Variants in LENG8 observed in about 807,000 individuals in gnomAD.
The protein encoded by LENG8 is leukocyte receptor cluster (LRC) member 8.
In LENG8, 28 loss-of-function variants were observed where a neutral mutation model predicts 102.1. That is an observed-to-expected ratio of 0.27 (90% CI 0.20 to 0.38). LENG8 has a LOEUF of 0.38. Among genes scored for constraint, LENG8 ranks in the 10% least tolerant of loss-of-function variants. The probability of loss-of-function intolerance (pLI) is 1.00; values close to 1 mark genes in which losing one functional copy is unlikely to be tolerated. For missense variants in LENG8, 1,022 were observed against 1,113.9 expected (o/e 0.92, Z 1.17); for synonymous variants, 531 against 456.7 (o/e 1.16, Z -2.07).
intron 11 of LENG8, 32 bp from the exon 12 acceptor site, chr19:54,457,715 A>T: frequency 1.3e-6 from 2 of 1,491,068 alleles, no homozygotes; most frequent in Non-Finnish European, 1.9e-6. Flanking sequence ...CCTGAGTTGT[A>T]CTCCGAGTGT....
intron 5 of LENG8, 46 bp from the exon 6 acceptor site, chr19:54,454,384 G>A (rs1169590216): frequency 6.5e-7 from 1 of 1,542,348 alleles, no homozygotes; most frequent in East Asian, 2.3e-5. Flanking sequence ...CCACTCGCCA[G>A]CCCCAGAATC....
rs1361616881 is a variant in LENG8 at position 54,452,634 on chromosome 19, T to C, written c.214-17T>C. The C allele has an allele frequency of 5.3e-6, 7 of 1,319,388 alleles. No homozygotes were observed. Among genetic ancestry groups the C allele is most frequent in the Non-Finnish European group, 6.2e-6 (6 of 963,302 alleles). The allele number at this position is 1,319,388 out of a possible 1,614,324, so 81.7% of individuals were successfully genotyped here. ...GGATTTGGGCTGCTGACGGCACATG[T>C]GCCTCTGCTTCCACAGTACGTGTCC... On this transcript the variant is annotated splice_polypyrimidine_tract_variant and intron_variant, in intron 3 of 15. Transcript: ENST00000326764.
chr19:54,451,271 C>T lies in LENG8; in HGVS notation c.-55-19C>T, dbSNP rs918323390. ...TTAGCTCCCCCTTAAGTCTCCCTAACTCATTCTTTTTCTCATAGACAGTGA... is the reference window on the plus strand; with the variant it reads ...TTAGCTCCCCCTTAAGTCTCCCTAATTCATTCTTTTTCTCATAGACAGTGA... On this transcript the variant is annotated intron_variant, in intron 1 of 15. Transcript: ENST00000326764. The T allele has an allele frequency of 8.7e-6, 13 of 1,494,856 alleles. No homozygotes were observed. In the South Asian group the frequency reaches 9.0e-5, roughly 10 times the overall value. 92.6% of individuals were successfully genotyped at this position (1,494,856 alleles called of 1,614,324 possible). A position where few individuals can be genotyped will look rare whatever the true frequency, so the allele number is the denominator to read the frequency against.
In LENG8 at chr19:54,458,171, C is replaced by A. The variant is rs770918730; in HGVS notation, c.1971C>A (p.Gly657=). Residue 657 remains glycine (G), a synonymous_variant, in exon 14 of 16, where the codon GGC becomes GGA. Coordinates refer to ENST00000326764, the MANE Select transcript of LENG8 (RefSeq NM_052925.4). ...LKSLYAENLP[G]NVGEFTAYRI... is the part of the protein sequence containing the mutation. ...CGCTGTACGCCGAGAACTTGCCTGG[C>A]AATGTGGGCGAGTTTACTGCCTACC... 6.8e-6 allele frequency: 11 copies of A among 1,614,218 alleles called. No individual in the cohort carries two copies. The highest frequency in any genetic ancestry group is 8.5e-6 in the Non-Finnish European group (10 of 1,180,048).
intron 15 of LENG8, 47 bp from the exon 16 acceptor site, chr19:54,460,719 G>GGGCCCA: frequency 1.2e-4 from 96 of 778,816 alleles, no homozygotes; most frequent in Middle Eastern, 4.7e-4. Context: ...GCCCTCCCCT[G>GGGCCCA]CCCTCCCGCC....
intron 4 of LENG8, 57 bp downstream of exon 4, chr19:54,452,809 C>T (rs1599959084): frequency 6.9e-6 from 9 of 1,295,066 alleles, no homozygotes; most frequent in African/African-American, 5.8e-5. Context: ...TGGGTCGGGG[C>T]GAGGTGAAGT....
Position 54,454,090 on chromosome 19 carries a change from T to C in LENG8, c.427-340T>C, listed in dbSNP as rs142297531. On this transcript the variant is annotated intron_variant, in intron 5 of 15. Coordinates refer to ENST00000326764, the MANE Select transcript of LENG8 (RefSeq NM_052925.4). ...CATCCTTGGGCTCCATGAGTGTGTG[T>C]GCTCATGGGTGTCTTGTGCTCAGAT... Among the ~76,000 whole-genome samples the C allele has an allele frequency of 2.0e-3, 310 of 152,116 alleles. 3 individuals are homozygous for C. The highest frequency in any genetic ancestry group is 7.1e-3 in the African/African-American group (295 of 41,470).
intron 4 of LENG8, 86 bp from the exon 5 acceptor site, chr19:54,453,460 G>A (rs1011511483): frequency 1.2e-6 from 1 of 815,120 alleles, no homozygotes; most frequent in Non-Finnish European, 2.1e-6. Context: ...TTGGTAGAGG[G>A]TCATGGCTGG....
chr19:54,454,552 T>G lies in LENG8; in HGVS notation c.549T>G (p.Pro183=). 9.9e-6 allele frequency: 16 copies of G among 1,613,072 alleles called. No individual in the cohort carries two copies. Among genetic ancestry groups the G allele is most frequent in the Non-Finnish European group, 1.4e-5 (16 of 1,179,774 alleles). ...PHGAHTLNSG[P]QPGTAPATQH... ...GGGCTCACACGCTGAACAGTGGCCC[T>G]CAGCCTGGGACAGCTCCAGCCACAC... is the stretch of plus-strand genomic sequence containing the variant. Residue 183 remains proline, a synonymous_variant, in exon 6 of 16, where the codon CCT becomes CCG. Coordinates refer to ENST00000326764, the MANE Select transcript of LENG8 (RefSeq NM_052925.4).
rs75907476 is a variant in LENG8 at position 54,457,860 on chromosome 19, G to T, written c.1833+12G>T. 12 of 1,613,528 alleles carry T rather than the reference G, an allele frequency of 7.4e-6. 1 individual carries two copies. The highest frequency in any genetic ancestry group is 1.0e-5 in the Non-Finnish European group (12 of 1,179,434). ...GGCAGGATCTGACGGTGAGACTCGCGCTGGGAGGGGCCTGGCCTCAGCCAG... is the reference window on the plus strand; with the variant it reads ...GGCAGGATCTGACGGTGAGACTCGCTCTGGGAGGGGCCTGGCCTCAGCCAG... On this transcript the variant is annotated intron_variant, in intron 12 of 15. Transcript: ENST00000326764.
intron 15 of LENG8, chr19:54,458,864 G>A: frequency 6.5e-7 from 1 of 1,550,240 alleles, no homozygotes; most frequent in South Asian, 1.2e-5. Context: ...TCAGAACCCT[G>A]AGGTCTCTGC....
In LENG8 at chr19:54,461,160, G is replaced by A. The variant is rs1157107480; in HGVS notation, c.*232G>A. Reference sequence around the variant, plus strand: ...ATTGGGGAGGAGGGGATGGGCAGCGGAGGGTTGGGGGCATGGTCTGCAGGC... The same window carrying A: ...ATTGGGGAGGAGGGGATGGGCAGCGAAGGGTTGGGGGCATGGTCTGCAGGC... On this transcript the variant is annotated 3_prime_UTR_variant, in exon 16 of 16. Transcript: ENST00000326764. The A allele has an allele frequency of 2.8e-6, 2 of 709,272 alleles. No individual in the cohort carries two copies. Among genetic ancestry groups the A allele is most frequent in the Non-Finnish European group, 2.5e-6 (1 of 395,828 alleles). 43.9% of individuals were successfully genotyped at this position (709,272 alleles called of 1,614,324 possible).
chr19:54,461,260 G>C lies in LENG8; in HGVS notation c.*332G>C, dbSNP rs774725680. ...TCTCTCTCTTTCGAGCTTGCACTCCGGTACCCGACCCGGCGCCCTGGCCCA... is the reference window on the plus strand; with the variant it reads ...TCTCTCTCTTTCGAGCTTGCACTCCCGTACCCGACCCGGCGCCCTGGCCCA... On this transcript the variant is annotated 3_prime_UTR_variant, in exon 16 of 16. Coordinates refer to ENST00000326764, the MANE Select transcript of LENG8 (RefSeq NM_052925.4). 1 of 520,424 alleles carries C rather than the reference G, an allele frequency of 1.9e-6. No homozygotes were observed. The highest frequency in any genetic ancestry group is 2.4e-5 in the Admixed American group (1 of 42,544). 32.2% of individuals were successfully genotyped at this position (520,424 alleles called of 1,614,324 possible). A position where few individuals can be genotyped will look rare whatever the true frequency, so the allele number is the denominator to read the frequency against.
Position 54,451,271 on chromosome 19 carries a change from C to A in LENG8, c.-55-19C>A. On this transcript the variant is annotated intron_variant, in intron 1 of 15. Transcript: ENST00000326764. ...TTAGCTCCCCCTTAAGTCTCCCTAA[C>A]TCATTCTTTTTCTCATAGACAGTGA... 3.3e-6 allele frequency: 5 copies of A among 1,494,850 alleles called. No homozygotes were observed. The highest frequency in any genetic ancestry group is 4.7e-6 in the Non-Finnish European group (5 of 1,070,916). 92.6% of individuals were successfully genotyped at this position (1,494,850 alleles called of 1,614,324 possible).
At position 54,456,883 on chromosome 19, in the gene LENG8, A is replaced by C; in HGVS notation, c.1693A>C (p.Thr565Pro). 6.2e-7 allele frequency: 1 copy of C among 1,609,710 alleles called. No individual in the cohort carries two copies. The highest frequency in any genetic ancestry group is 8.5e-7 in the Non-Finnish European group (1 of 1,179,788). The change falls in exon 11 of 16, where the codon ACC (threonine) becomes CCC (proline). Residue 565 changes from threonine (T) to proline (P), a missense_variant. Transcript: ENST00000326764. ...CATCACCAAGCACTACCTGCGCCTCACCTGTGCCCCCGACCCGTCCACCGT... is the reference window on the plus strand; with the variant it reads ...CATCACCAAGCACTACCTGCGCCTCCCCTGTGCCCCCGACCCGTCCACCGT... Reference protein sequence around the residue: ...PDITKHYLRLTCAPDPSTVRP... With the variant: ...PDITKHYLRLPCAPDPSTVRP...
At chr19:54,449,363 C>T (rs1292524223) in intron 1 of LENG8, 53 bp downstream of exon 1, 1 of 152,240 alleles carries the variant, frequency 6.6e-6, no homozygotes, top group Non-Finnish European at 1.5e-5. Context: ...TCCTTTTGGT[C>T]TTGCGCCCCG....
At chr19:54,453,479 C>T in intron 4 of LENG8, 67 bp from the exon 5 acceptor site, 1 of 1,028,334 alleles carries the variant, frequency 9.7e-7, no homozygotes. Flanking sequence ...GGTGTAGTTC[C>T]TGAGCAGGCT....
rs1470676295 is a variant in LENG8 at position 54,458,294 on chromosome 19, C to T, written c.2033-20C>T. ...CAGGGTTGAGCCCTGCTGACTTCAC[C>T]CTCTTTGTCTTGGTGCTAGACATCA... On this transcript the variant is annotated intron_variant, in intron 14 of 15. Transcript: ENST00000326764. 11 of 1,613,216 alleles carry T rather than the reference C, an allele frequency of 6.8e-6. No homozygotes were observed. Among genetic ancestry groups the T allele is most frequent in the South Asian group, 3.3e-5 (3 of 91,034 alleles).
intron 15 of LENG8, 24 bp downstream of exon 15, chr19:54,458,545 T>C: frequency 1.2e-6 from 2 of 1,613,952 alleles, no homozygotes; most frequent in Non-Finnish European, 1.7e-6. Context: ...AGCTCCCTTC[T>C]GCCTTTGCTC....
Sources: gnomAD v4.1 joint callset for allele counts (sites outside exome capture counted in the v4.1 genomes callset) on GRCh38, gnomAD v4.1.1 for gene constraint, MANE v1.5 for transcripts, NCBI Gene and HGNC (gene_info 2026-07-23, HGNC 2026-07-21) for gene names.